Variants in NTM observed in about 807,000 individuals in gnomAD.
NTM encodes the protein IgLON family member 2.
NTM carries 13 observed loss-of-function variants against 42.1 expected under a neutral mutation model. The observed-to-expected ratio is 0.31, with a 90% CI of 0.20 to 0.49. The LOEUF (loss-of-function observed/expected upper bound fraction) is 0.49. Among genes scored for constraint, NTM ranks in the 20% least tolerant of loss-of-function variants. NTM has a pLI of 0.99. For missense variants in NTM, 373 were observed against 452.8 expected (o/e 0.82, Z 1.60); for synonymous variants, 187 against 179.2 (o/e 1.04, Z -0.35).
At chr11:131,626,105 A>G (rs1398950408) in intron 1 of NTM, among the ~76,000 whole-genome samples, 6 of 152,250 alleles carry the variant, frequency 3.9e-5, no homozygotes, top group African/African-American at 1.4e-4. Flanking sequence ...TTATTAAAAT[A>G]AATTTAATTT....
At chr11:131,925,822 G>A (rs895921404) in intron 2 of NTM, among the ~76,000 whole-genome samples, 1 of 152,176 alleles carries the variant, frequency 6.6e-6, no homozygotes, top group African/African-American at 2.4e-5. Context: ...AGGAATGGAG[G>A]CAATGCAGAG....
intron 1 of NTM, among the ~76,000 whole-genome samples, chr11:131,515,339 T>TG (rs1332677417): frequency 2.6e-5 from 4 of 152,116 alleles, no homozygotes; most frequent in Non-Finnish European, 5.9e-5. Flanking sequence ...GAACTCAGCG[T>TG]GGGGAAATCG....
At chr11:131,795,181 C>T (rs2091421200) in intron 1 of NTM, among the ~76,000 whole-genome samples, 1 of 152,228 alleles carries the variant, frequency 6.6e-6, no homozygotes, top group Non-Finnish European at 1.5e-5. Flanking sequence ...TTAAATTTCA[C>T]TCCAGTGGTG....
At chr11:131,451,493 G>A (rs751753843) in intron 1 of NTM, among the ~76,000 whole-genome samples, 26 of 152,316 alleles carry the variant, frequency 1.7e-4, no homozygotes, top group Middle Eastern at 6.8e-3. Context: ...GAGACTGGGG[G>A]TGCAGCTGGA....
chr11:131,847,131 T>C (rs1285379181), intron 1 of NTM, among the ~76,000 whole-genome samples: 1 of 152,134 alleles, frequency 6.6e-6, no homozygotes, highest in Non-Finnish European at 1.5e-5. Flanking sequence ...TTCTATAAAG[T>C]AGGAATAATA....
At chr11:132,246,319 A>G (rs914172087) in intron 4 of NTM, among the ~76,000 whole-genome samples, 1 of 152,210 alleles carries the variant, frequency 6.6e-6, no homozygotes, top group Non-Finnish European at 1.5e-5. Flanking sequence ...GCACAGTGAA[A>G]GTCAAACAGT....
intron 1 of NTM, among the ~76,000 whole-genome samples, chr11:131,505,961 T>C (rs538105995): frequency 6.6e-6 from 1 of 152,112 alleles, no homozygotes; most frequent in East Asian, 1.9e-4. Context: ...GTTATTGCCC[T>C]TTTGTCTCGT....
chr11:131,530,946 T>C (rs540375456), intron 1 of NTM, among the ~76,000 whole-genome samples: 1 of 152,310 alleles, frequency 6.6e-6, no homozygotes, highest in African/African-American at 2.4e-5. Context: ...GAGGTAGGGA[T>C]GACCAGTGAG....
intron 2 of NTM, among the ~76,000 whole-genome samples, chr11:132,076,276 C>T (rs537929513): frequency 9.2e-5 from 14 of 152,306 alleles, no homozygotes; most frequent in Admixed American, 2.0e-4. Context: ...GCTGCAACAA[C>T]TCAACTCAGC....
At chr11:131,396,387 C>A (rs974334053) in intron 1 of NTM, among the ~76,000 whole-genome samples, 2 of 152,188 alleles carry the variant, frequency 1.3e-5, no homozygotes, top group African/African-American at 4.8e-5. Flanking sequence ...CTACGCACAG[C>A]TTGACCTCCT....
intron 1 of NTM, among the ~76,000 whole-genome samples, chr11:131,431,616 C>T (rs535485135): frequency 5.3e-5 from 8 of 152,294 alleles, no homozygotes; most frequent in South Asian, 4.1e-4. Flanking sequence ...CCCCAGCCCC[C>T]GTGTGGCTGG....
intron 1 of NTM, among the ~76,000 whole-genome samples, chr11:131,626,166 TAGAAG>T (rs1310730956): frequency 3.3e-5 from 5 of 152,288 alleles, no homozygotes; most frequent in East Asian, 3.9e-4. Flanking sequence ...TAAAGAGTCA[TAGAAG>T]AGAAGTCTTC....
At chr11:131,793,576 C>T (rs1052116287) in intron 1 of NTM, among the ~76,000 whole-genome samples, 5 of 152,258 alleles carry the variant, frequency 3.3e-5, no homozygotes, top group South Asian at 4.1e-4. Context: ...GTTTCCATCC[C>T]GGTCAGTCTG....
intron 3 of NTM, among the ~76,000 whole-genome samples, chr11:132,193,546 T>G (rs530662279): frequency 4.6e-5 from 7 of 152,066 alleles, no homozygotes; most frequent in Non-Finnish European, 8.8e-5. Flanking sequence ...TGCTAAAAAC[T>G]TACATCAAGA....
intron 3 of NTM, among the ~76,000 whole-genome samples, chr11:132,184,868 T>C (rs990626191): frequency 2.6e-5 from 4 of 152,204 alleles, no homozygotes; most frequent in African/African-American, 9.6e-5. Context: ...TGCTACGGCT[T>C]CATGGCGTCA....
chr11:132,316,418 G>A (rs1244533967), intron 7 of NTM, among the ~76,000 whole-genome samples: 1 of 152,176 alleles, frequency 6.6e-6, no homozygotes, highest in Middle Eastern at 3.2e-3. Context: ...CATCTGCCCT[G>A]TGCCTCCTTT....
chr11:131,728,361 A>C (rs984885450), intron 1 of NTM, among the ~76,000 whole-genome samples: 3 of 152,212 alleles, frequency 2.0e-5, no homozygotes, highest in African/African-American at 7.2e-5. Context: ...GGCTCACAGA[A>C]CTCAATGAAA....
chr11:131,532,056 T>C (rs2051358123), intron 1 of NTM, among the ~76,000 whole-genome samples: 1 of 152,244 alleles, frequency 6.6e-6, no homozygotes, highest in South Asian at 2.1e-4. Context: ...GTGGTGATTT[T>C]CATTTATTGT....
intron 2 of NTM, among the ~76,000 whole-genome samples, chr11:132,054,796 A>G (rs984079602): frequency 3.9e-5 from 6 of 152,232 alleles, no homozygotes; most frequent in South Asian, 2.1e-4. Context: ...TGGCATTCCA[A>G]AAGCTAACCC....
Sources: allele counts gnomAD v4.1 joint callset (sites outside exome capture counted in the v4.1 genomes callset), GRCh38; gene constraint gnomAD v4.1.1; transcripts MANE v1.5; gene names NCBI Gene and HGNC (gene_info 2026-07-23, HGNC 2026-07-21).